The following ATRNL1 variants were observed in gnomAD, a reference collection of about 807,000 sequenced individuals.
ATRNL1 encodes attractin-like protein 1.
ATRNL1 carries 95 observed loss-of-function variants against 182.7 expected under a neutral mutation model. The observed-to-expected ratio is 0.52, with a 90% CI of 0.44 to 0.62. The LOEUF is 0.62. ATRNL1 is among the 20% of genes least tolerant of loss of function. The pLI is 0.00. For synonymous variants in ATRNL1, 576 were observed against 568.3 expected, an observed-to-expected ratio of 1.01 and a Z score of -0.19; for missense variants, 1,471 against 1,679.5, an observed-to-expected ratio of 0.88 and a Z score of 2.17.
chr10:115,737,826 C>G (rs555665550), intron 27 of ATRNL1, among the ~76,000 whole-genome samples: 33 of 152,232 alleles, frequency 2.2e-4, no homozygotes, highest in Admixed American at 6.5e-4. Context: ...CTTTTAGGAA[C>G]TGTATTGACT....
At chr10:115,809,680 G>A (rs1385486420) in intron 27 of ATRNL1, among the ~76,000 whole-genome samples, 1 of 151,856 alleles carries the variant, frequency 6.6e-6, no homozygotes, top group Admixed American at 6.6e-5. Flanking sequence ...GTTATTAATT[G>A]TAGTAGCTTT....
chr10:115,127,585 T>C lies in ATRNL1; in HGVS notation c.492-8T>C, dbSNP rs782430112. On this transcript the variant is annotated splice_polypyrimidine_tract_variant and splice_region_variant and intron_variant, in intron 3 of 28. Transcript: ENST00000355044. ...ATACATACAATATTCAGTTTTGTTC[T>C]CTTTTAGTGGTTTGATAGTCCCTGA... 18 of 1,605,126 alleles carry C rather than the reference T, an allele frequency of 1.1e-5. No individual in the cohort carries two copies. The highest frequency in any genetic ancestry group is 1.4e-5 in the Non-Finnish European group (17 of 1,175,710).
chr10:115,608,887 A>C (rs1857005695), intron 26 of ATRNL1, among the ~76,000 whole-genome samples: 1 of 151,976 alleles, frequency 6.6e-6, no homozygotes, highest in African/African-American at 2.4e-5. Flanking sequence ...ATTGAAAAAA[A>C]AAATCTCTTC....
intron 25 of ATRNL1, among the ~76,000 whole-genome samples, chr10:115,541,080 TAA>T (rs1852333534): frequency 6.6e-6 from 1 of 152,124 alleles, no homozygotes; most frequent in African/African-American, 2.4e-5. Context: ...CAAAAAAACC[TAA>T]CACTTTTTCT....
At chr10:115,786,359 A>T (rs368188905) in intron 27 of ATRNL1, among the ~76,000 whole-genome samples, 4 of 152,136 alleles carry the variant, frequency 2.6e-5, no homozygotes, top group African/African-American at 9.7e-5. Context: ...ATGGTTTCAC[A>T]GTTCTGGAGG....
chr10:115,609,812 G>A (rs1406148293), intron 26 of ATRNL1, among the ~76,000 whole-genome samples: 1 of 152,128 alleles, frequency 6.6e-6, no homozygotes, highest in African/African-American at 2.4e-5. Context: ...GGTAAATGGT[G>A]AAATATCTGG....
chr10:115,519,293 G>A lies in ATRNL1; in HGVS notation c.3685G>A (p.Asp1229Asn). The A allele has an allele frequency of 6.2e-7, 1 of 1,609,618 alleles. No individual in the cohort carries two copies. Among genetic ancestry groups the A allele is most frequent in the Middle Eastern group, 1.7e-4 (1 of 6,046 alleles). ...ATTCTCACAACACAATACAATCATG[G>A]ACCTTGTGCAGTTTTTTGTCACCTT... Reference protein sequence around the residue: ...IAFSQHNTIMDLVQFFVTFFS... With the variant: ...IAFSQHNTIMNLVQFFVTFFS... Residue 1229 changes from aspartate (D) to asparagine (N), a missense_variant, in exon 25 of 29, where the codon GAC becomes AAC. Transcript: ENST00000355044.
At chr10:115,429,712 A>G (rs1396167869) in intron 21 of ATRNL1, among the ~76,000 whole-genome samples, 1 of 152,188 alleles carries the variant, frequency 6.6e-6, no homozygotes, top group Non-Finnish European at 1.5e-5. Flanking sequence ...GTATGAAAGA[A>G]GACGATCTCT....
intron 19 of ATRNL1, among the ~76,000 whole-genome samples, chr10:115,366,388 C>G (rs1215872708): frequency 6.6e-6 from 1 of 151,902 alleles, no homozygotes; most frequent in Non-Finnish European, 1.5e-5. Flanking sequence ...TTCCTCCATC[C>G]TTTTATTTTG....
intron 25 of ATRNL1, among the ~76,000 whole-genome samples, chr10:115,522,120 G>T (rs1850966038): frequency 6.6e-6 from 1 of 152,134 alleles, no homozygotes; most frequent in Non-Finnish European, 1.5e-5. Flanking sequence ...GACATACCCT[G>T]GCTCTGTTCT....
chr10:115,880,392 G>A (rs191838841), intron 28 of ATRNL1, among the ~76,000 whole-genome samples: 52 of 152,320 alleles, frequency 3.4e-4, no homozygotes, highest in African/African-American at 1.2e-3. Flanking sequence ...GAGAGGCCAA[G>A]GCAGGTGGAT....
Position 115,301,872 on chromosome 10 carries a change from G to A in ATRNL1, c.2647G>A (p.Ala883Thr), listed in dbSNP as rs782050438. The change falls in exon 17 of 29, where the codon GCG (alanine) becomes ACG (threonine). Residue 883 changes from alanine to threonine, a missense_variant. By Grantham distance (58) the Ala-to-Thr change is moderately conservative. Around this residue, in one of 3 missense-constraint regions of ATRNL1, gnomAD observed 1,031 missense variants for 1,156.0 expected, o/e 0.89. Coordinates refer to ENST00000355044, the MANE Select transcript of ATRNL1 (RefSeq NM_207303.4). ...TATTCCAGTTAGTCCAAATCAAAATGCGAGGCCGTGCAAAAAGCCATGCTC... is the reference window on the plus strand; with the variant it reads ...TATTCCAGTTAGTCCAAATCAAAATACGAGGCCGTGCAAAAAGCCATGCTC... ...EKPVVSPNQN[A>T]RPCKKPCSLR... 1 of 1,607,556 alleles carries A rather than the reference G, an allele frequency of 6.2e-7. No homozygotes were observed.
intron 9 of ATRNL1, among the ~76,000 whole-genome samples, chr10:115,226,951 T>TA (rs1353469958): frequency 1.3e-5 from 2 of 152,126 alleles, no homozygotes; most frequent in African/African-American, 2.4e-5. Flanking sequence ...GATTGAAATG[T>TA]AAAACCTCAA....
intron 9 of ATRNL1, among the ~76,000 whole-genome samples, chr10:115,229,945 T>A (rs1849854799): frequency 6.6e-6 from 1 of 152,176 alleles, no homozygotes; most frequent in Non-Finnish European, 1.5e-5. Context: ...AAGAGGACAT[T>A]ACAATACCCT....
rs999087020 is a variant in ATRNL1 at position 115,334,819 on chromosome 10, A to C, written c.3175+400A>C. 3.9e-5 allele frequency among the ~76,000 whole-genome samples: 6 copies of C among 152,310 alleles called. No individual in the cohort carries two copies. The East Asian group carries it at 7.7e-4, about 20-fold the overall frequency. ...TTACATCAGGTAAGATTTTTATTGC[A>C]CAGGGTGGTAGTATAGAGTAGTATC... is the stretch of plus-strand genomic sequence containing the variant. On this transcript the variant is annotated intron_variant, in intron 19 of 28. Transcript: ENST00000355044.
chr10:115,118,089 A>G (rs1844570068), intron 1 of ATRNL1, among the ~76,000 whole-genome samples: 4 of 152,070 alleles, frequency 2.6e-5, no homozygotes, highest in African/African-American at 9.7e-5. Context: ...AGCACTGTAT[A>G]TATTCTGGTT....
intron 9 of ATRNL1, among the ~76,000 whole-genome samples, chr10:115,221,626 A>G (rs1849470622): frequency 6.6e-6 from 1 of 152,144 alleles, no homozygotes; most frequent in Admixed American, 6.5e-5. Context: ...TAACCTTGAG[A>G]CAGTTAGAAA....
In ATRNL1 at chr10:115,662,193, C is replaced by T. The variant is rs978741124; in HGVS notation, c.3796-65055C>T. Among the ~76,000 whole-genome samples the T allele has an allele frequency of 2.0e-5, 3 of 151,918 alleles. No individual in the cohort carries two copies. In the East Asian group the frequency reaches 5.8e-4, roughly 29 times the overall value. On this transcript the variant is annotated intron_variant, in intron 26 of 28. Coordinates refer to ENST00000355044, the MANE Select transcript of ATRNL1 (RefSeq NM_207303.4). ...CAGTCTATCATTGTTGGACATTTGG[C>T]TTGGTTCCAAGTCTTTGCTATTGTG...
At position 115,215,605 on chromosome 10, in the gene ATRNL1, C is replaced by G. The variant is rs1024179798; in HGVS notation, c.1349-92C>G. 40 of 952,366 alleles carry G rather than the reference C, an allele frequency of 4.2e-5. No individual in the cohort carries two copies. The South Asian group carries it at 4.8e-4, about 11-fold the overall frequency. The allele number at this position is 952,366 out of a possible 1,614,324, so 59.0% of individuals were successfully genotyped here. On this transcript the variant is annotated intron_variant, in intron 8 of 28. Transcript: ENST00000355044. Reference sequence around the variant, plus strand: ...ACAATGTTTACTCATAAAAATATGTCATTAGAATTAACTTGTTGGTATTTT... The same window carrying G: ...ACAATGTTTACTCATAAAAATATGTGATTAGAATTAACTTGTTGGTATTTT...
Sources: allele counts gnomAD v4.1 joint callset (sites outside exome capture counted in the v4.1 genomes callset), GRCh38; gene constraint gnomAD v4.1.1; regional missense constraint gnomAD v4.1.1; transcripts MANE v1.5; gene names NCBI Gene and HGNC (gene_info 2026-07-23, HGNC 2026-07-21).